ST6GALNAC3: variants seen among roughly 807,000 people sequenced by gnomAD.
ST6GALNAC3 encodes ST6 N-acetylgalactosaminide alpha-2,6-sialyltransferase 3.
Under a neutral mutation model 32.7 loss-of-function variants are expected in ST6GALNAC3, and 25 were observed. The observed-to-expected ratio is 0.76, with a 90% CI of 0.56 to 1.07. The LOEUF (loss-of-function observed/expected upper bound fraction) is 1.07. ST6GALNAC3 is among the 50% of genes least tolerant of loss of function. ST6GALNAC3 has a pLI of 0.00. For synonymous variants in ST6GALNAC3, 129 were observed against 133.1 expected (o/e 0.97, Z 0.21); for missense variants, 355 against 382.4 (o/e 0.93, Z 0.60).
chr1:76,151,511 C>G (rs1398102509), intron 1 of ST6GALNAC3, among the ~76,000 whole-genome samples: 2 of 152,154 alleles, frequency 1.3e-5, no homozygotes, highest in African/African-American at 4.8e-5. Flanking sequence ...TCCCAGGAAA[C>G]TTGGGAAGGG....
At chr1:76,543,906 A>T (rs1185741671) in intron 3 of ST6GALNAC3, among the ~76,000 whole-genome samples, 1 of 152,022 alleles carries the variant, frequency 6.6e-6, no homozygotes, top group African/African-American at 2.4e-5. Flanking sequence ...AAGATCATTA[A>T]TTTTTTTCCT....
At chr1:76,321,032 C>T (rs1235543022) in intron 2 of ST6GALNAC3, among the ~76,000 whole-genome samples, 5 of 151,044 alleles carry the variant, frequency 3.3e-5, no homozygotes, top group South Asian at 2.1e-4. Context: ...GTGCCTTTTG[C>T]GGTTGTCTAC....
chr1:76,186,183 G>A (rs980608706), intron 1 of ST6GALNAC3, among the ~76,000 whole-genome samples: 5 of 152,072 alleles, frequency 3.3e-5, no homozygotes, highest in African/African-American at 4.8e-5. Flanking sequence ...GTCATTAATA[G>A]GATTGATTCT....
intron 1 of ST6GALNAC3, among the ~76,000 whole-genome samples, chr1:76,147,179 C>T (rs1435497319): frequency 6.6e-6 from 1 of 151,796 alleles, no homozygotes; most frequent in Non-Finnish European, 1.5e-5. Context: ...TCTCCTGCCT[C>T]AGCCTCCCAA....
chr1:76,164,088 G>A (rs1651977671), intron 1 of ST6GALNAC3, among the ~76,000 whole-genome samples: 2 of 152,314 alleles, frequency 1.3e-5, no homozygotes, highest in South Asian at 4.1e-4. Context: ...AACAGATGAA[G>A]AATCAAAATG....
chr1:76,318,374 G>C (rs1646906413), intron 2 of ST6GALNAC3, among the ~76,000 whole-genome samples: 1 of 152,042 alleles, frequency 6.6e-6, no homozygotes, highest in Admixed American at 6.6e-5. Flanking sequence ...TCTTTTCTAT[G>C]GGGGAGGGGA....
chr1:76,599,254 A>G (rs1032266019), intron 3 of ST6GALNAC3, among the ~76,000 whole-genome samples: 1 of 151,848 alleles, frequency 6.6e-6, no homozygotes, highest in Non-Finnish European at 1.5e-5. Flanking sequence ...TTAGAGTATG[A>G]GGTTATTATA....
chr1:76,143,303 C>T (rs544191562), intron 1 of ST6GALNAC3, among the ~76,000 whole-genome samples: 1 of 152,008 alleles, frequency 6.6e-6, no homozygotes, highest in African/African-American at 2.4e-5. Context: ...AGTCATTTGG[C>T]AGTCCTATTA....
chr1:76,541,438 C>T (rs1663986203), intron 3 of ST6GALNAC3, among the ~76,000 whole-genome samples: 1 of 152,178 alleles, frequency 6.6e-6, no homozygotes, highest in Non-Finnish European at 1.5e-5. Context: ...TTTTCTCAAG[C>T]AGTGCTGGTG....
chr1:76,620,453 G>A (rs1290921155), intron 3 of ST6GALNAC3, among the ~76,000 whole-genome samples: 1 of 152,044 alleles, frequency 6.6e-6, no homozygotes, highest in Non-Finnish European at 1.5e-5. Context: ...AGCTTAAACA[G>A]CAGAAGTTTA....
At chr1:76,574,008 A>G (rs1570330148) in intron 3 of ST6GALNAC3, among the ~76,000 whole-genome samples, 1 of 152,124 alleles carries the variant, frequency 6.6e-6, no homozygotes, top group South Asian at 2.1e-4. Flanking sequence ...AACACCTACT[A>G]TGTGCTAAGG....
At chr1:76,504,950 C>T (rs747178422) in intron 3 of ST6GALNAC3, among the ~76,000 whole-genome samples, 6 of 152,150 alleles carry the variant, frequency 3.9e-5, no homozygotes, top group Non-Finnish European at 7.3e-5. Context: ...ATTTCTCTCT[C>T]ATACGGTAAT....
At chr1:76,298,986 AG>A (rs1660573446) in intron 1 of ST6GALNAC3, among the ~76,000 whole-genome samples, 1 of 152,090 alleles carries the variant, frequency 6.6e-6, no homozygotes, top group Non-Finnish European at 1.5e-5. Flanking sequence ...TATTTTACTC[AG>A]GAAGAAAAGG....
chr1:76,232,250 G>C (rs1052398584), intron 1 of ST6GALNAC3, among the ~76,000 whole-genome samples: 1 of 152,218 alleles, frequency 6.6e-6, no homozygotes, highest in African/African-American at 2.4e-5. Flanking sequence ...GTTCAAGGAA[G>C]TATACTTTTC....
intron 3 of ST6GALNAC3, among the ~76,000 whole-genome samples, chr1:76,419,983 AG>A (rs1345337445): frequency 4.0e-5 from 6 of 149,140 alleles, no homozygotes; most frequent in Non-Finnish European, 7.4e-5. Context: ...AGGAGTGGAA[AG>A]TTTAATAGGC....
chr1:76,468,098 C>T (rs1469365426), intron 3 of ST6GALNAC3, among the ~76,000 whole-genome samples: 2 of 151,696 alleles, frequency 1.3e-5, no homozygotes, highest in African/African-American at 4.8e-5. Context: ...TCCTTCTCTC[C>T]TTCTTTTCTT....
intron 1 of ST6GALNAC3, among the ~76,000 whole-genome samples, chr1:76,139,558 G>A (rs1351370658): frequency 6.6e-6 from 1 of 152,158 alleles, no homozygotes; most frequent in African/African-American, 2.4e-5. Flanking sequence ...AACTGGTATA[G>A]CTTTTGTCCT....
chr1:76,304,691 A>G (rs1660937269), intron 1 of ST6GALNAC3, among the ~76,000 whole-genome samples: 1 of 152,074 alleles, frequency 6.6e-6, no homozygotes, highest in Non-Finnish European at 1.5e-5. Context: ...GATAAATGCC[A>G]TTTAATGTAA....
At chr1:76,410,134 C>T (rs917020749) in intron 2 of ST6GALNAC3, among the ~76,000 whole-genome samples, 3 of 152,108 alleles carry the variant, frequency 2.0e-5, no homozygotes, top group African/African-American at 7.2e-5. Flanking sequence ...TCCTCTGTCC[C>T]GAGCCCTTCA....
Sources: gnomAD v4.1 joint callset for allele counts (sites outside exome capture counted in the v4.1 genomes callset) on GRCh38, gnomAD v4.1.1 for gene constraint, MANE v1.5 for transcripts, NCBI Gene and HGNC (gene_info 2026-07-23, HGNC 2026-07-21) for gene names.